TMEM196: variants seen among roughly 807,000 people sequenced by gnomAD.
TMEM196 encodes the protein transmembrane protein 196.
Under a neutral mutation model 20.0 loss-of-function variants are expected in TMEM196, and 17 were observed. The observed-to-expected ratio is 0.85, with a 90% CI of 0.58 to 1.27. The LOEUF (loss-of-function observed/expected upper bound fraction) is 1.27, where lower values mean the gene tolerates loss of function less well. Among genes scored for constraint, TMEM196 ranks in the 50% most tolerant of loss-of-function variants. The probability of loss-of-function intolerance (pLI) is 0.00; values close to 1 mark genes in which losing one functional copy is unlikely to be tolerated. For missense variants in TMEM196, 267 were observed against 223.0 expected (o/e 1.20, Z -1.26); for synonymous variants, 113 against 88.9 (o/e 1.27, Z -1.52).
In TMEM196 at chr7:19,729,730, C is replaced by T. The variant is rs967006827; in HGVS notation, c.148-292G>A. On this transcript the variant is annotated intron_variant, in intron 1 of 4. Transcript: ENST00000405844. ...CTTTGTTTCTCCCATTTCTTTTCAC[C>T]GTCTGATTCCTTTCTACTTTCTCAG... Among the ~76,000 whole-genome samples, 7 of 152,124 alleles carry T rather than the reference C, an allele frequency of 4.6e-5. No homozygotes were observed. The South Asian group carries it at 6.2e-4, about 14-fold the overall frequency.
chr7:19,767,429 C>A (rs938221245), intron 1 of TMEM196, among the ~76,000 whole-genome samples: 3 of 151,980 alleles, frequency 2.0e-5, no homozygotes, highest in Non-Finnish European at 4.4e-5. Context: ...GAAAGAGATT[C>A]TTTACCTGGG....
chr7:19,746,002 C>T (rs1234859023), intron 1 of TMEM196, among the ~76,000 whole-genome samples: 1 of 152,026 alleles, frequency 6.6e-6, no homozygotes, highest in Non-Finnish European at 1.5e-5. Context: ...GTGAGATACA[C>T]AGAAGAACTA....
intron 1 of TMEM196, among the ~76,000 whole-genome samples, chr7:19,751,985 AAAATAATTGTGTATTAATTT>A (rs1393600051): frequency 3.9e-5 from 6 of 152,228 alleles, no homozygotes; most frequent in African/African-American, 1.4e-4. Context: ...TGTCTTCTGG[AAAATAATTGTGTATTAATTT>A]CTATTTACTC....
At chr7:19,751,652 A>G (rs71526306) in intron 1 of TMEM196, among the ~76,000 whole-genome samples, 1 of 152,254 alleles carries the variant, frequency 6.6e-6, no homozygotes, top group Non-Finnish European at 1.5e-5. Context: ...CCAATAAACT[A>G]TAAATAAATG....
intron 1 of TMEM196, among the ~76,000 whole-genome samples, chr7:19,740,374 T>G (rs1784544292): frequency 6.6e-6 from 1 of 152,140 alleles, no homozygotes; most frequent in African/African-American, 2.4e-5. Context: ...GCTGTGATTA[T>G]TTGGGTTAGA....
At chr7:19,728,061 A>G (rs1190653207) in intron 2 of TMEM196, among the ~76,000 whole-genome samples, 1 of 152,176 alleles carries the variant, frequency 6.6e-6, no homozygotes, top group Non-Finnish European at 1.5e-5. Context: ...TAAAAAAATC[A>G]GATTTCATCA....
rs1018964921 is a variant in TMEM196 at position 19,719,608 on chromosome 7, T to C, written c.*2520A>G. On this transcript the variant is annotated 3_prime_UTR_variant, in exon 5 of 5. Coordinates refer to ENST00000405844, the MANE Select transcript of TMEM196 (RefSeq NM_001363562.2). ...TCCAAGGGTAGGCTCATACTAAAAC[T>C]ATAAGGTAGTCACTTAAAACATTCC... 2.6e-5 allele frequency: 4 copies of C among 152,240 alleles called. No homozygotes were observed. The highest frequency in any genetic ancestry group is 9.6e-5 in the African/African-American group (4 of 41,568). 9.4% of individuals were successfully genotyped at this position (152,240 alleles called of 1,614,324 possible). A position where few individuals can be genotyped will look rare whatever the true frequency, so the allele number is the denominator to read the frequency against.
chr7:19,768,270 ATT>A (rs979154109), intron 1 of TMEM196, among the ~76,000 whole-genome samples: 1 of 151,964 alleles, frequency 6.6e-6, no homozygotes, highest in African/African-American at 2.4e-5. Context: ...TGTTTAATAA[ATT>A]AAGTTTTACA....
chr7:19,753,211 C>T (rs897045947), intron 1 of TMEM196, among the ~76,000 whole-genome samples: 2 of 152,028 alleles, frequency 1.3e-5, no homozygotes, highest in African/African-American at 2.4e-5. Context: ...TGGCTTATTA[C>T]GTTTTGACTC....
chr7:19,728,790 A>G (rs950028918), intron 2 of TMEM196, among the ~76,000 whole-genome samples: 8 of 152,232 alleles, frequency 5.3e-5, no homozygotes, highest in African/African-American at 1.9e-4. Flanking sequence ...CATCCAGCCA[A>G]TATCAGAGCT....
intron 1 of TMEM196, among the ~76,000 whole-genome samples, chr7:19,733,506 G>A (rs1583424705): frequency 6.6e-6 from 1 of 152,038 alleles, no homozygotes; most frequent in South Asian, 2.1e-4. Context: ...TTGTGTTGAG[G>A]GAGGTGTAAA....
At chr7:19,748,263 C>CAAAAAAAAAAAAAA (rs57276805) in intron 1 of TMEM196, among the ~76,000 whole-genome samples, 1 of 20,780 alleles carries the variant, frequency 4.8e-5, no homozygotes, top group African/African-American at 1.7e-4. Context: ...TGTGGCTGTC[C>CAAAAAAAAAAAAAA]AAAAAAAAAA....
chr7:19,730,931 GAAT>G (rs1490117496), intron 1 of TMEM196, among the ~76,000 whole-genome samples: 1 of 152,092 alleles, frequency 6.6e-6, no homozygotes, highest in Non-Finnish European at 1.5e-5. Context: ...AATAGAGCTA[GAAT>G]AATGTGTTAA....
intron 4 of TMEM196, among the ~76,000 whole-genome samples, chr7:19,722,529 C>T (rs865942977): frequency 6.6e-6 from 1 of 152,062 alleles, no homozygotes. Context: ...TAGAGGTGAC[C>T]TTTATTCTAC....
chr7:19,723,804 C>A (rs10435066), intron 4 of TMEM196, among the ~76,000 whole-genome samples: 1 of 151,986 alleles, frequency 6.6e-6, no homozygotes, highest in African/African-American at 2.4e-5. Flanking sequence ...ATTTAAAATG[C>A]ATCACATAAG....
intron 1 of TMEM196, among the ~76,000 whole-genome samples, chr7:19,737,713 A>C (rs192814483): frequency 1.0e-3 from 156 of 152,080 alleles, no homozygotes; most frequent in Non-Finnish European, 1.7e-3. Context: ...AAAGTAAATA[A>C]TAGAGACAGT....
chr7:19,748,989 A>G (rs756157070), intron 1 of TMEM196, among the ~76,000 whole-genome samples: 5 of 152,334 alleles, frequency 3.3e-5, no homozygotes, highest in East Asian at 1.9e-4. Flanking sequence ...CTTAAACTAG[A>G]AAATTATTAT....
intron 1 of TMEM196, among the ~76,000 whole-genome samples, chr7:19,766,841 TA>T (rs1785651847): frequency 6.6e-6 from 1 of 152,036 alleles, no homozygotes; most frequent in African/African-American, 2.4e-5. Flanking sequence ...CAAATGAATA[TA>T]CAAAAAAGTT....
chr7:19,724,250 A>C, intron 4 of TMEM196, 30 bp downstream of exon 4: 1 of 1,545,636 alleles, frequency 6.5e-7, no homozygotes, highest in Non-Finnish European at 8.8e-7. Flanking sequence ...GCGACATTAC[A>C]ACATGGTAAC....
Sources: gnomAD v4.1 joint callset for allele counts (sites outside exome capture counted in the v4.1 genomes callset) on GRCh38, gnomAD v4.1.1 for gene constraint, MANE v1.5 for transcripts, NCBI Gene and HGNC (gene_info 2026-07-23, HGNC 2026-07-21) for gene names.